Variants in MUC17 observed in about 807,000 individuals in gnomAD.
MUC17 encodes the protein mucin-17.
MUC17 carries 190 observed loss-of-function variants against 170.3 expected under a neutral mutation model. The ratio of observed to expected loss-of-function variants is 1.12; its 90% confidence interval spans 0.99 to 1.26. The LOEUF (loss-of-function observed/expected upper bound fraction) is 1.26. Among genes scored for constraint, MUC17 ranks in the 50% most tolerant of loss-of-function variants. The probability of loss-of-function intolerance (pLI) is 0.00; values close to 1 mark genes in which losing one functional copy is unlikely to be tolerated. For synonymous variants in MUC17, 2,325 were observed against 2,002.5 expected (o/e 1.16, Z -4.30); for missense variants, 6,415 against 5,530.0 (o/e 1.16, Z -5.08).
At chr7:101,054,131 T>C (rs1299887306) in intron 11 of MUC17, among the ~76,000 whole-genome samples, 2 of 140,852 alleles carry the variant, frequency 1.4e-5, no homozygotes, top group African/African-American at 5.3e-5. Context: ...CTGAGGCTTA[T>C]AGAGTGAAGG....
At position 101,032,673 on chromosome 7, in the gene MUC17, C is replaced by T. The variant is rs142373606; in HGVS notation, c.1257C>T (p.Asp419=). The T allele has an allele frequency of 8.1e-5, 128 of 1,574,414 alleles. No individual in the cohort carries two copies. Among genetic ancestry groups the T allele is most frequent in the Non-Finnish European group, 1.1e-4 (124 of 1,153,202 alleles). ...GCACCACTTCAACAATTCCTGTTGA[C>T]TCCAAAACTTTTGTGACCACTGCTA... The part of the protein sequence containing the change: ...EASTTSTIPV[D]SKTFVTTASE... Residue 419 remains aspartate (D), a synonymous_variant, in exon 3 of 13, where the codon GAC becomes GAT. Coordinates refer to ENST00000306151, the MANE Select transcript of MUC17 (RefSeq NM_001040105.2).
rs1334735170 is a variant in MUC17, at chr7:101,032,244, A to G, written c.828A>G (p.Pro276=). 2 of 1,613,996 alleles carry G rather than the reference A, an allele frequency of 1.2e-6. No homozygotes were observed. The highest frequency in any genetic ancestry group is 1.3e-5 in the African/African-American group (1 of 74,944). The change falls in exon 3 of 13, where the codon CCA becomes CCG. Residue 276 remains proline, a synonymous_variant. Coordinates refer to ENST00000306151, the MANE Select transcript of MUC17 (RefSeq NM_001040105.2). ...SNSAPSGGST[P]LTRMPLSVML... ...CAGCTCCTAGTGGAGGAAGCACTCC[A>G]TTAACAAGAATGCCTCTCAGCGTGA...
In MUC17 at chr7:101,035,972, T is replaced by C. The variant is rs1584863654; in HGVS notation, c.4556T>C (p.Ile1519Thr). Reference protein sequence around the residue: ...PSEGSTALTSIPVSTTTVASS... With the variant: ...PSEGSTALTSTPVSTTTVASS... ...GAAGGAAGCACTGCATTAACAAGTATACCTGTCAGCACCACAACAGTGGCC... is the reference window on the plus strand; with the variant it reads ...GAAGGAAGCACTGCATTAACAAGTACACCTGTCAGCACCACAACAGTGGCC... The change falls in exon 3 of 13, where the codon ATA (isoleucine) becomes ACA (threonine). Residue 1519 changes from isoleucine (I) to threonine (T), a missense_variant. Transcript: ENST00000306151. The C allele has an allele frequency of 1.2e-6, 2 of 1,612,926 alleles. No individual in the cohort carries two copies. The highest frequency in any genetic ancestry group is 4.5e-5 in the East Asian group (2 of 44,802).
intron 3 of MUC17, among the ~76,000 whole-genome samples, chr7:101,044,898 C>T (rs1392369509): frequency 6.6e-6 from 1 of 152,064 alleles, no homozygotes; most frequent in African/African-American, 2.4e-5. Flanking sequence ...CTCTGAGCAC[C>T]CACTATAGAA....
At position 101,039,587 on chromosome 7, in the gene MUC17, C is replaced by T. The variant is rs775765742; in HGVS notation, c.8171C>T (p.Thr2724Ile). The change falls in exon 3 of 13, where the codon ACC (threonine) becomes ATC (isoleucine). Residue 2724 changes from threonine (T) to isoleucine (I), a missense_variant. By Grantham distance (89) the Thr-to-Ile change is moderately conservative. Coordinates refer to ENST00000306151, the MANE Select transcript of MUC17 (RefSeq NM_001040105.2). ...CCTGTTGACACCAGCACACCTGTCACCACTTCTGCTGAAGCCAGTTCTTCT... is the reference window on the plus strand; with the variant it reads ...CCTGTTGACACCAGCACACCTGTCATCACTTCTGCTGAAGCCAGTTCTTCT... ...TTPVDTSTPV[T>I]TSAEASSSPT... is the part of the protein sequence containing the mutation. 7 of 1,612,638 alleles carry T rather than the reference C, an allele frequency of 4.3e-6. 1 individual carries two copies. The Admixed American group carries it at 1.2e-4, about 27-fold the overall frequency.
chr7:101,031,424 T>C (rs1794276812), intron 2 of MUC17, among the ~76,000 whole-genome samples, 177 bp from the exon 3 acceptor site: 3 of 152,102 alleles, frequency 2.0e-5, no homozygotes, highest in Admixed American at 6.6e-5. Context: ...CCTAACTGCA[T>C]AGAAGGGAAG....
Position 101,036,017 on chromosome 7 carries a change from T to A in MUC17, c.4601T>A (p.Leu1534His). 1 of 1,611,994 alleles carries A rather than the reference T, an allele frequency of 6.2e-7. No homozygotes were observed. The highest frequency in any genetic ancestry group is 8.5e-7 in the Non-Finnish European group (1 of 1,178,750). ...GTGGCCAGTTCTGAAATCAACAGCC[T>A]TTCAACAACTCCTGCTGTCACCAGC... The part of the protein sequence containing the change: ...TTVASSEINS[L>H]STTPAVTSTP... The change falls in exon 3 of 13, where the codon CTT (leucine) becomes CAT (histidine). Residue 1534 changes from leucine (L) to histidine (H), a missense_variant. By Grantham distance (99) the Leu-to-His change is moderately conservative. Coordinates refer to ENST00000306151, the MANE Select transcript of MUC17 (RefSeq NM_001040105.2).
chr7:101,040,956 G>A lies in MUC17; in HGVS notation c.9540G>A (p.Glu3180=). The A allele has an allele frequency of 1.2e-6, 2 of 1,608,414 alleles. No individual in the cohort carries two copies. Residue 3180 remains glutamate, a synonymous_variant, in exon 3 of 13, where the codon GAG becomes GAA. Transcript: ENST00000306151. ...GCACCATGCTGGTAGTCAGTTCTGA[G>A]GATAGCACCCTTTCAGCAACTCCTG... is the stretch of plus-strand genomic sequence containing the variant. ...PVSTMLVVSS[E]DSTLSATPVD...
In MUC17 at chr7:101,033,051, T is replaced by C; in HGVS notation, c.1635T>C (p.Ser545=). 1 of 1,610,000 alleles carries C rather than the reference T, an allele frequency of 6.2e-7. No individual in the cohort carries two copies. Among genetic ancestry groups the C allele is most frequent in the South Asian group, 1.1e-5 (1 of 90,868 alleles). The change falls in exon 3 of 13, where the codon TCT becomes TCC. Residue 545 remains serine (S), a synonymous_variant. Transcript: ENST00000306151. The stretch of plus-strand genomic sequence containing the variant: ...ACACCAGCACACCTGTGACCACTTC[T>C]AGTGAAGCCAGTTCATCTTCTACAA... ...PVDTSTPVTT[S]SEASSSSTTP... is the part of the protein sequence containing the mutation.
At position 101,048,865 on chromosome 7, in the gene MUC17, G is replaced by T; in HGVS notation, c.12556G>T (p.Ala4186Ser). 1 of 1,614,110 alleles carries T rather than the reference G, an allele frequency of 6.2e-7. No homozygotes were observed. The highest frequency in any genetic ancestry group is 1.7e-5 in the Admixed American group (1 of 60,014). Reference protein sequence around the residue: ...IDIGPPETISAQMELTVTVTS... With the variant: ...IDIGPPETISSQMELTVTVTS... The stretch of plus-strand genomic sequence containing the variant: ...CTCAGGGCCACCGGAGACTATCTCT[G>T]CCCAAATGGAACTGACTGTGACAGT... The change falls in exon 5 of 13, where the codon GCC becomes TCC. Residue 4186 changes from alanine to serine, a missense_variant. Coordinates refer to ENST00000306151, the MANE Select transcript of MUC17 (RefSeq NM_001040105.2).
intron 6 of MUC17, among the ~76,000 whole-genome samples, 159 bp from the exon 7 acceptor site, chr7:101,050,325 C>T (rs1481558738): frequency 6.6e-6 from 1 of 152,136 alleles, no homozygotes; most frequent in South Asian, 2.1e-4. Flanking sequence ...TCACCCCAAA[C>T]TGTCCTGCCC....
chr7:101,022,316 G>A (rs759933290), intron 1 of MUC17, among the ~76,000 whole-genome samples: 5 of 152,186 alleles, frequency 3.3e-5, no homozygotes, highest in South Asian at 2.1e-4. Context: ...ACGGATGCAC[G>A]CTACTGTACC....
rs778279328 is a variant in MUC17, at chr7:101,036,461, C to T, written c.5045C>T (p.Thr1682Ile). 1.9e-6 allele frequency: 3 copies of T among 1,611,036 alleles called. No individual in the cohort carries two copies. The highest frequency in any genetic ancestry group is 8.5e-7 in the Non-Finnish European group (1 of 1,178,380). The change falls in exon 3 of 13, where the codon ACC becomes ATC. Residue 1682 changes from threonine to isoleucine, a missense_variant. Physicochemically the swap from Thr to Ile is moderately conservative, Grantham distance 89. Coordinates refer to ENST00000306151, the MANE Select transcript of MUC17 (RefSeq NM_001040105.2). ...PTPAEGTSMP[T>I]STYTEGRTPL... ...CCTGCTGAAGGTACCAGCATGCCAA[C>T]CTCAACTTATACTGAAGGAAGAACT...
intron 1 of MUC17, among the ~76,000 whole-genome samples, chr7:101,024,782 G>A (rs888115243): frequency 4.6e-5 from 6 of 129,876 alleles, no homozygotes; most frequent in South Asian, 2.6e-4. Context: ...TTGCCCTGTC[G>A]CCCAGGCTGG....
At chr7:101,046,489 T>C in intron 3 of MUC17, among the ~76,000 whole-genome samples, 1 of 152,152 alleles carries the variant, frequency 6.6e-6, no homozygotes, top group East Asian at 1.9e-4. Context: ...AAAAAGGAGT[T>C]GTTAGGCTGG....
chr7:101,039,613 C>A lies in MUC17; in HGVS notation c.8197C>A (p.Pro2733Thr), dbSNP rs766290219. 1 of 1,612,806 alleles carries A rather than the reference C, an allele frequency of 6.2e-7. No homozygotes were observed. The highest frequency in any genetic ancestry group is 8.5e-7 in the Non-Finnish European group (1 of 1,179,592). The change falls in exon 3 of 13, where the codon CCT (proline) becomes ACT (threonine). Residue 2733 changes from proline to threonine, a missense_variant. Coordinates refer to ENST00000306151, the MANE Select transcript of MUC17 (RefSeq NM_001040105.2). The stretch of plus-strand genomic sequence containing the variant: ...CACTTCTGCTGAAGCCAGTTCTTCT[C>A]CTACAACTGCTGAAGGTACCAGCAT... ...VTTSAEASSS[P>T]TTAEGTSMRI...
chr7:101,047,788 G>A (rs567152071), intron 3 of MUC17, among the ~76,000 whole-genome samples, 196 bp from the exon 4 acceptor site: 15 of 152,246 alleles, frequency 9.9e-5, no homozygotes, highest in African/African-American at 2.6e-4. Flanking sequence ...CCAAGATCGC[G>A]CCATTGCACT....
At chr7:101,026,181 A>G (rs1002921056) in intron 1 of MUC17, among the ~76,000 whole-genome samples, 11 of 152,114 alleles carry the variant, frequency 7.2e-5, no homozygotes, top group Admixed American at 4.6e-4. Flanking sequence ...ATCAGGGCCT[A>G]CCGGGCACAG....
chr7:101,033,392 C>G lies in MUC17; in HGVS notation c.1976C>G (p.Pro659Arg). The change falls in exon 3 of 13, where the codon CCT becomes CGT. Residue 659 changes from proline (P) to arginine (R), a missense_variant. Coordinates refer to ENST00000306151, the MANE Select transcript of MUC17 (RefSeq NM_001040105.2). ...LSTTPVDSNT[P>R]VTTSTEATSS... ...ACAACTCCTGTTGACTCCAACACTC[C>G]TGTGACCACTTCAACTGAAGCCACT... 6.2e-7 allele frequency: 1 copy of G among 1,613,374 alleles called. No homozygotes were observed. Among genetic ancestry groups the G allele is most frequent in the Non-Finnish European group, 8.5e-7 (1 of 1,179,806 alleles).
Sources: allele counts gnomAD v4.1 joint callset (sites outside exome capture counted in the v4.1 genomes callset), GRCh38; gene constraint gnomAD v4.1.1; transcripts MANE v1.5; gene names NCBI Gene and HGNC (gene_info 2026-07-23, HGNC 2026-07-21).